APBB1IP: variants seen among roughly 807,000 people sequenced by gnomAD.
APBB1IP encodes amyloid beta A4 precursor protein-binding family B member 1-interacting protein.
In APBB1IP, 27 loss-of-function variants were observed where a neutral mutation model predicts 64.9. The observed-to-expected ratio is 0.42, with a 90% CI of 0.31 to 0.57. The LOEUF (loss-of-function observed/expected upper bound fraction) is 0.57, where lower values mean the gene tolerates loss of function less well. Among genes scored for constraint, APBB1IP ranks in the 20% least tolerant of loss-of-function variants. The pLI is 0.20. For missense variants in APBB1IP, 812 were observed against 845.5 expected, an observed-to-expected ratio of 0.96 and a Z score of 0.49; for synonymous variants, 392 against 331.0, an observed-to-expected ratio of 1.18 and a Z score of -2.00.
chr10:26,480,620 CTTTTTTTTTTTTTT>C (rs535190399), intron 2 of APBB1IP, among the ~76,000 whole-genome samples: 2 of 83,942 alleles, frequency 2.4e-5, no homozygotes, highest in African/African-American at 9.9e-5. Flanking sequence ...TGAGCTGCTT[CTTTTTTTTTTTTTT>C]TTTTTTTTTT....
intron 2 of APBB1IP, among the ~76,000 whole-genome samples, chr10:26,472,916 G>A (rs537225545): frequency 1.3e-4 from 20 of 150,720 alleles, no homozygotes; most frequent in Non-Finnish European, 2.2e-4. Flanking sequence ...CAGCCTGGGC[G>A]ACAGGGGGAG....
intron 10 of APBB1IP, among the ~76,000 whole-genome samples, chr10:26,540,640 GTAAA>G (rs1428183578): frequency 4.6e-5 from 7 of 152,258 alleles, no homozygotes; most frequent in African/African-American, 1.7e-4. Context: ...GCACTAAGGT[GTAAA>G]TAGTTCTGCC....
chr10:26,493,258 A>G (rs1454459327), intron 3 of APBB1IP, among the ~76,000 whole-genome samples: 1 of 152,196 alleles, frequency 6.6e-6, no homozygotes, highest in African/African-American at 2.4e-5. Flanking sequence ...TTAAACACAC[A>G]TGATTTACGA....
At chr10:26,519,406 G>C (rs549000136) in intron 8 of APBB1IP, among the ~76,000 whole-genome samples, 1 of 152,208 alleles carries the variant, frequency 6.6e-6, no homozygotes, top group African/African-American at 2.4e-5. Flanking sequence ...ATGGCAGAGG[G>C]TAAAGGGGAA....
chr10:26,529,519 C>T (rs949589722), intron 8 of APBB1IP, among the ~76,000 whole-genome samples: 1 of 152,196 alleles, frequency 6.6e-6, no homozygotes, highest in Non-Finnish European at 1.5e-5. Flanking sequence ...TTTAGGGCAC[C>T]CTGGTGAAAT....
chr10:26,441,738 C>T (rs941112336), intron 2 of APBB1IP, among the ~76,000 whole-genome samples: 1 of 152,102 alleles, frequency 6.6e-6, no homozygotes, highest in Non-Finnish European at 1.5e-5. Flanking sequence ...AGCTTGATTC[C>T]GTGACTCAGT....
chr10:26,528,284 ACT>A (rs1836504053), intron 8 of APBB1IP, among the ~76,000 whole-genome samples: 1 of 152,282 alleles, frequency 6.6e-6, no homozygotes, highest in East Asian at 1.9e-4. Flanking sequence ...CACTCAGTGA[ACT>A]GCATTAACCC....
At chr10:26,503,067 G>C (rs1836126538) in intron 5 of APBB1IP, 130 bp from the exon 6 acceptor site, 1 of 787,078 alleles carries the variant, frequency 1.3e-6, no homozygotes, top group South Asian at 2.2e-5. Context: ...AATAAATTCT[G>C]AAAATCAAGC....
intron 2 of APBB1IP, among the ~76,000 whole-genome samples, chr10:26,471,622 C>T (rs114485676): frequency 5.7e-4 from 87 of 152,056 alleles, no homozygotes; most frequent in African/African-American, 1.9e-3. Flanking sequence ...CAGAAATGAC[C>T]GTAAATCCTT....
chr10:26,496,265 T>G, intron 3 of APBB1IP, 39 bp from the exon 4 acceptor site: 1 of 1,458,856 alleles, frequency 6.9e-7, no homozygotes, highest in East Asian at 2.3e-5. Flanking sequence ...GAAATGTTTG[T>G]ATCATGAATA....
At chr10:26,457,996 T>G (rs1413900252) in intron 2 of APBB1IP, among the ~76,000 whole-genome samples, 2 of 152,216 alleles carry the variant, frequency 1.3e-5, no homozygotes, top group African/African-American at 2.4e-5. Context: ...ATCTGGATAT[T>G]TTTATGGCCT....
At chr10:26,460,824 G>A in intron 2 of APBB1IP, among the ~76,000 whole-genome samples, 1 of 152,132 alleles carries the variant, frequency 6.6e-6, no homozygotes, top group Admixed American at 6.6e-5. Context: ...GAGAGCATCA[G>A]GAAGAATAGC....
chr10:26,512,680 C>T (rs1000767611), intron 7 of APBB1IP, among the ~76,000 whole-genome samples: 1 of 152,088 alleles, frequency 6.6e-6, no homozygotes, highest in African/African-American at 2.4e-5. Context: ...AATCACGGGT[C>T]ACTGCAGCCT....
At chr10:26,449,378 G>A (rs1373311068) in intron 2 of APBB1IP, among the ~76,000 whole-genome samples, 1 of 152,108 alleles carries the variant, frequency 6.6e-6, no homozygotes, top group Non-Finnish European at 1.5e-5. Flanking sequence ...GCTGGTTTTA[G>A]AGGGAAAACA....
intron 2 of APBB1IP, among the ~76,000 whole-genome samples, chr10:26,445,157 A>C (rs993895847): frequency 3.4e-5 from 5 of 148,854 alleles, no homozygotes; most frequent in Non-Finnish European, 6.0e-5. Context: ...AGAAAGAAAG[A>C]AAGAAAGAAA....
chr10:26,483,289 T>C (rs921216204), intron 2 of APBB1IP, among the ~76,000 whole-genome samples: 3 of 152,168 alleles, frequency 2.0e-5, no homozygotes, highest in African/African-American at 7.2e-5. Context: ...CAATAAATAT[T>C]TGATGACTGA....
intron 11 of APBB1IP, among the ~76,000 whole-genome samples, chr10:26,545,717 G>A (rs1364631483): frequency 2.0e-5 from 3 of 150,520 alleles, no homozygotes; most frequent in African/African-American, 4.9e-5. Context: ...CCGAGATCGC[G>A]CCACTGCACT....
intron 2 of APBB1IP, among the ~76,000 whole-genome samples, chr10:26,451,471 T>C (rs1195429898): frequency 6.6e-6 from 1 of 152,238 alleles, no homozygotes; most frequent in African/African-American, 2.4e-5. Context: ...TGTGCTTTAC[T>C]TAAGATCTGA....
chr10:26,547,313 T>C (rs1039688033), intron 11 of APBB1IP, among the ~76,000 whole-genome samples: 12 of 152,250 alleles, frequency 7.9e-5, no homozygotes, highest in Admixed American at 2.0e-4. Context: ...CTTAGTCAAA[T>C]GTATAATTTG....
Sources: allele counts gnomAD v4.1 joint callset (sites outside exome capture counted in the v4.1 genomes callset), GRCh38; gene constraint gnomAD v4.1.1; transcripts MANE v1.5; gene names NCBI Gene and HGNC (gene_info 2026-07-23, HGNC 2026-07-21).